Variants in HDAC9 observed in about 807,000 individuals in gnomAD.
The protein encoded by HDAC9 is histone deacetylase 9, also known as MEF-2 interacting transcription repressor (MITR) protein.
A neutral mutation model predicts 139.4 loss-of-function variants in HDAC9; 41 were observed. The observed-to-expected ratio is 0.29, with a 90% CI of 0.23 to 0.38. The LOEUF is 0.38. Ranked by LOEUF, HDAC9 falls within the 10% of genes least tolerant of loss-of-function variation. The pLI, the probability that HDAC9 is intolerant of heterozygous loss-of-function variation, is 1.00. For synonymous variants in HDAC9, 517 were observed against 476.2 expected (o/e 1.09, Z -1.12); for missense variants, 1,147 against 1,297.0 (o/e 0.88, Z 1.78).
intron 2 of HDAC9, among the ~76,000 whole-genome samples, chr7:18,219,545 G>A (rs576679843): frequency 6.6e-6 from 1 of 152,138 alleles, no homozygotes; most frequent in Non-Finnish European, 1.5e-5. Flanking sequence ...GAGTGCTGAG[G>A]AACATTTGTC....
chr7:18,784,283 A>T (rs1585030957), intron 16 of HDAC9, among the ~76,000 whole-genome samples: 1 of 151,670 alleles, frequency 6.6e-6, no homozygotes, highest in South Asian at 2.1e-4. Context: ...TCACCTTGTT[A>T]CCCAGACTGG....
intron 1 of HDAC9, among the ~76,000 whole-genome samples, chr7:18,462,740 T>G (rs1793957891): frequency 1.3e-5 from 2 of 152,194 alleles, no homozygotes; most frequent in Non-Finnish European, 2.9e-5. Flanking sequence ...GTATAATATC[T>G]ACTCCATGAC....
At chr7:18,392,919 C>CAAA (rs773532939) in intron 1 of HDAC9, among the ~76,000 whole-genome samples, 43 of 44,532 alleles carry the variant, frequency 9.7e-4, no homozygotes, top group African/African-American at 2.1e-3. Flanking sequence ...CCATGACTGG[C>CAAA]AAAAAAAAAA....
chr7:18,333,159 TA>T (rs897681433), intron 1 of HDAC9, among the ~76,000 whole-genome samples: 2 of 151,520 alleles, frequency 1.3e-5, no homozygotes, highest in Non-Finnish European at 3.0e-5. Context: ...AACAAGCCAT[TA>T]AAAACTACTG....
chr7:18,721,126 G>T (rs1785113670), intron 12 of HDAC9, among the ~76,000 whole-genome samples: 1 of 152,014 alleles, frequency 6.6e-6, no homozygotes. Context: ...TGACAAACAT[G>T]CCATAAGCAT....
At chr7:18,666,917 A>G in intron 12 of HDAC9, 1 of 996,854 alleles carries the variant, frequency 1.0e-6, no homozygotes, top group Non-Finnish European at 1.2e-6. Flanking sequence ...ATTTTTTGCA[A>G]CATCTAGAAT....
intron 1 of HDAC9, among the ~76,000 whole-genome samples, chr7:18,126,894 G>T (rs1287859674): frequency 6.6e-6 from 1 of 152,128 alleles, no homozygotes; most frequent in Non-Finnish European, 1.5e-5. Context: ...AAGAGCAATT[G>T]GGATTAAAAT....
intron 12 of HDAC9, among the ~76,000 whole-genome samples, chr7:18,686,712 A>C (rs1202578443): frequency 6.6e-6 from 1 of 151,934 alleles, no homozygotes; most frequent in East Asian, 1.9e-4. Context: ...GGATTCTGAA[A>C]TTTTAACTCT....
intron 1 of HDAC9, among the ~76,000 whole-genome samples, chr7:18,107,283 G>C (rs2731550): frequency 0.77 from 116,452 of 152,032 alleles, 46,423 homozygotes; most frequent in Non-Finnish European, 0.87. Flanking sequence ...AGTGATAACT[G>C]CTTTGTCTTT....
At chr7:18,615,265 CT>C (rs1838259492) in intron 6 of HDAC9, among the ~76,000 whole-genome samples, 2 of 152,192 alleles carry the variant, frequency 1.3e-5, no homozygotes, top group Non-Finnish European at 2.9e-5. Context: ...GTTCCCCCTC[CT>C]CTTTTACTTA....
intron 2 of HDAC9, among the ~76,000 whole-genome samples, chr7:18,272,762 A>G (rs1048081939): frequency 1.3e-5 from 2 of 152,180 alleles, no homozygotes; most frequent in African/African-American, 4.8e-5. Context: ...GTTCAGTAAA[A>G]TTCTAATCAA....
intron 1 of HDAC9, among the ~76,000 whole-genome samples, chr7:18,313,464 G>C (rs996717648): frequency 1.3e-5 from 2 of 152,048 alleles, no homozygotes; most frequent in African/African-American, 4.8e-5. Context: ...AATTATTAAG[G>C]CTCAGATCCA....
intron 1 of HDAC9, among the ~76,000 whole-genome samples, chr7:18,456,996 A>G (rs1027486363): frequency 1.3e-5 from 2 of 152,058 alleles, no homozygotes; most frequent in Admixed American, 6.6e-5. Context: ...TTTTGCTACA[A>G]ATTGTGTTGT....
At chr7:18,800,067 G>A (rs1202698235) in intron 17 of HDAC9, among the ~76,000 whole-genome samples, 1 of 152,044 alleles carries the variant, frequency 6.6e-6, no homozygotes, top group East Asian at 1.9e-4. Flanking sequence ...AACAACTTAG[G>A]TCTCATCATA....
chr7:18,987,066 T>C (rs1785420883), intron 25 of HDAC9, among the ~76,000 whole-genome samples: 2 of 152,234 alleles, frequency 1.3e-5, no homozygotes, highest in South Asian at 4.1e-4. Context: ...TATTTCCTTC[T>C]CCTGCCTAAT....
intron 22 of HDAC9, among the ~76,000 whole-genome samples, chr7:18,896,869 A>C (rs191464224): frequency 6.6e-6 from 1 of 152,010 alleles, no homozygotes; most frequent in African/African-American, 2.4e-5. Flanking sequence ...TTTTACTACA[A>C]TGGGTATCTA....
At chr7:18,465,273 A>G (rs997973057) in intron 1 of HDAC9, among the ~76,000 whole-genome samples, 2 of 151,930 alleles carry the variant, frequency 1.3e-5, no homozygotes, top group Admixed American at 1.3e-4. Context: ...AAAGATTCCC[A>G]TTATTTTTAA....
chr7:18,110,758 A>G (rs1783559551), intron 1 of HDAC9, among the ~76,000 whole-genome samples: 1 of 152,210 alleles, frequency 6.6e-6, no homozygotes. Flanking sequence ...GACGGGGGCC[A>G]GGAGCTTGGG....
rs528665498 is a variant in HDAC9, at chr7:18,397,047, G to A, written c.-41-99215G>A. Among the ~76,000 whole-genome samples, 11 of 152,076 alleles carry A rather than the reference G, an allele frequency of 7.2e-5. No homozygotes were observed. The South Asian group carries it at 1.2e-3, about 17-fold the overall frequency. ...TGTTGGAAAAAAAAAGATCATCGTC[G>A]ACTCCTATCTTTAGGCAGATACAAA... On this transcript the variant is annotated intron_variant, in intron 1 of 3. Transcript: ENST00000413509.
Sources: allele counts gnomAD v4.1 joint callset (sites outside exome capture counted in the v4.1 genomes callset), GRCh38; gene constraint gnomAD v4.1.1; transcripts MANE v1.5; gene names NCBI Gene and HGNC (gene_info 2026-07-23, HGNC 2026-07-21).